Variants in DNAH3 observed in about 807,000 individuals in gnomAD.
The protein encoded by DNAH3 is axonemal beta dynein heavy chain 3.
DNAH3 carries 332 observed loss-of-function variants against 432.5 expected under a neutral mutation model. That is an observed-to-expected ratio of 0.77 (90% CI 0.70 to 0.84). The LOEUF (loss-of-function observed/expected upper bound fraction) is 0.84. DNAH3 is among the 40% of genes least tolerant of loss of function. The pLI is 0.00. For synonymous variants in DNAH3, 1,956 were observed against 1,900.2 expected (o/e 1.03, Z -0.76); for missense variants, 4,861 against 5,114.0 (o/e 0.95, Z 1.51).
intron 48 of DNAH3, among the ~76,000 whole-genome samples, chr16:20,984,598 G>A (rs879305554): frequency 1.8e-4 from 27 of 152,262 alleles, no homozygotes; most frequent in Non-Finnish European, 3.5e-4. Flanking sequence ...GGTCCGGCAC[G>A]GTGGCTTATG....
chr16:21,140,711 C>T lies in DNAH3; in HGVS notation c.522-1G>A. 2 of 1,613,824 alleles carry T rather than the reference C, an allele frequency of 1.2e-6. No homozygotes were observed. The highest frequency in any genetic ancestry group is 1.3e-5 in the African/African-American group (1 of 75,016). On this transcript the variant is annotated splice_acceptor_variant, in intron 4 of 61. Transcript: ENST00000261383. LOFTEE classifies it high-confidence loss of function. ...TGACGTCTTGAAGGCCAACTTGATC[C>T]TGAAAAGTAGACACAGCTCAGCCCT...
Position 20,944,487 on chromosome 16 carries a change from C to A in DNAH3, c.11511+9G>T, listed in dbSNP as rs373148600. 1.9e-6 allele frequency: 3 copies of A among 1,613,860 alleles called. No homozygotes were observed. Among genetic ancestry groups the A allele is most frequent in the Non-Finnish European group, 1.7e-6 (2 of 1,179,852 alleles). ...ATAGGATTAAGCCCCCTTTCCCGAG[C>A]CCAGTTACCTGAGGGGACTTGCCAC... On this transcript the variant is annotated intron_variant, in intron 58 of 61. Transcript: ENST00000261383.
chr16:21,106,626 A>G (rs748701764), exon 15 of DNAH3: 5 of 1,608,450 alleles, frequency 3.1e-6, no homozygotes, highest in South Asian at 1.1e-5. Flanking sequence ...TAGTGTTGGC[A>G]GGAACCTCAC....
At position 21,036,697 on chromosome 16, in the gene DNAH3, T is replaced by C. The variant is rs775988254; in HGVS notation, c.5085+17A>G. 6.8e-5 allele frequency: 109 copies of C among 1,610,154 alleles called. No individual in the cohort carries two copies. Among genetic ancestry groups the C allele is most frequent in the Non-Finnish European group, 8.3e-5 (98 of 1,178,816 alleles). Reference sequence around the variant, plus strand: ...AAACAGTAAAACAGGCACATTTATATGGGCTAAGGAACCAACCTGGATAAT... The same window carrying C: ...AAACAGTAAAACAGGCACATTTATACGGGCTAAGGAACCAACCTGGATAAT... On this transcript the variant is annotated intron_variant, in intron 35 of 61. Coordinates refer to ENST00000261383, the Ensembl canonical transcript of DNAH3.
chr16:21,115,524 T>C (rs887780965), intron 12 of DNAH3, among the ~76,000 whole-genome samples: 6 of 151,542 alleles, frequency 4.0e-5, no homozygotes, highest in African/African-American at 9.7e-5. Context: ...CTGGCCAACA[T>C]GGTGAAACCT....
chr16:21,067,772 G>GGGGGGAGGGAGGGA (rs1555545837), intron 23 of DNAH3, among the ~76,000 whole-genome samples: 1 of 23,716 alleles, frequency 4.2e-5, no homozygotes, highest in Non-Finnish European at 7.1e-5. Flanking sequence ...GGGGGGGTGG[G>GGGGGGAGGGAGGGA]GAGGGAGAGA....
chr16:21,057,892 G>A (rs750185108), intron 27 of DNAH3, among the ~76,000 whole-genome samples, 194 bp downstream of exon 27: 1 of 152,172 alleles, frequency 6.6e-6, no homozygotes, highest in African/African-American at 2.4e-5. Flanking sequence ...GAGAGGTCTC[G>A]TACCATAGAA....
At chr16:21,053,603 T>A (rs532347205) in intron 28 of DNAH3, among the ~76,000 whole-genome samples, 29 of 152,226 alleles carry the variant, frequency 1.9e-4, no homozygotes, top group African/African-American at 6.5e-4. Context: ...GAAGAGCACA[T>A]TTTCCCTTCT....
chr16:21,131,880 G>A (rs569512199), intron 7 of DNAH3, among the ~76,000 whole-genome samples: 2 of 148,264 alleles, frequency 1.3e-5, no homozygotes, highest in South Asian at 2.1e-4. Flanking sequence ...AAAAGGGGGA[G>A]AGAAAGAAAG....
At position 20,979,536 on chromosome 16, in the gene DNAH3, T is replaced by C. The variant is rs545343827; in HGVS notation, c.7870A>G (p.Met2624Val). The change falls in exon 50 of 62, where the codon ATG (methionine) becomes GTG (valine). Residue 2624 changes from methionine (M) to valine (V), a missense_variant. Coordinates refer to ENST00000261383, the Ensembl canonical transcript of DNAH3. ...ACGCTCTCTTGGAAATATTTGCACA[T>C]GGACACGACCCTGCCGAGGACACCA... The C allele has an allele frequency of 1.5e-4, 242 of 1,614,078 alleles. 3 individuals carry two copies. The South Asian group carries it at 2.5e-3, about 17-fold the overall frequency.
chr16:20,985,767 C>A, intron 47 of DNAH3, 52 bp from the exon 48 acceptor site: 1 of 1,568,594 alleles, frequency 6.4e-7, no homozygotes, highest in East Asian at 2.2e-5. Flanking sequence ...CCCAGCCAGG[C>A]TGGTAGGGAC....
At chr16:21,089,789 G>A (rs1311863299) in intron 18 of DNAH3, among the ~76,000 whole-genome samples, 8 of 151,774 alleles carry the variant, frequency 5.3e-5, no homozygotes, top group Admixed American at 1.3e-4. Flanking sequence ...ATAAATCAAA[G>A]CTAGCAGAAG....
chr16:20,981,707 A>G (rs747741692), intron 49 of DNAH3, among the ~76,000 whole-genome samples: 8 of 152,266 alleles, frequency 5.3e-5, no homozygotes, highest in Non-Finnish European at 1.2e-4. Context: ...CCTGGGCGAC[A>G]GAGTGAGACT....
intron 6 of DNAH3, among the ~76,000 whole-genome samples, chr16:21,134,894 G>T (rs192513509): frequency 2.0e-5 from 3 of 152,152 alleles, no homozygotes; most frequent in Non-Finnish European, 4.4e-5. Context: ...TGCCATGTTG[G>T]CCAGGTTGGT....
chr16:21,141,225 G>A (rs548327470), intron 4 of DNAH3, 75 bp downstream of exon 5: 2 of 965,256 alleles, frequency 2.1e-6, no homozygotes, highest in African/African-American at 3.3e-5. Flanking sequence ...GAAGCAGAGT[G>A]TGGCTTTAGT....
rs537826845 is a variant in DNAH3, at chr16:21,064,791, A to C, written c.3519-2108T>G. Among the ~76,000 whole-genome samples the C allele has an allele frequency of 2.0e-5, 3 of 152,252 alleles. No homozygotes were observed. The South Asian group carries it at 6.2e-4, about 32-fold the overall frequency. The stretch of plus-strand genomic sequence containing the variant: ...ATTAACTTAAATTATGTGACTATCA[A>C]CAACATTCTCAAAGTGTTTGCTGAG... On this transcript the variant is annotated intron_variant, in intron 24 of 61. Transcript: ENST00000261383.
intron 24 of DNAH3, among the ~76,000 whole-genome samples, chr16:21,064,860 GGTGTGTGTGTGTGTGTGT>G (rs369066790): frequency 4.2e-4 from 56 of 131,780 alleles, no homozygotes; most frequent in African/African-American, 1.4e-3. Flanking sequence ...TATTGAGGTA[GGTGTGTGTGTGTGTGTGT>G]GTGTGTGTGT....
At chr16:21,125,922 A>T (rs998206233) in intron 8 of DNAH3, among the ~76,000 whole-genome samples, 1 of 152,176 alleles carries the variant, frequency 6.6e-6, no homozygotes, top group Non-Finnish European at 1.5e-5. Flanking sequence ...CGAAGCGGGC[A>T]GATCACTTGA....
chr16:20,980,507 A>AAG (rs1053417122), intron 49 of DNAH3, among the ~76,000 whole-genome samples: 48 of 151,200 alleles, frequency 3.2e-4, no homozygotes, highest in African/African-American at 1.1e-3. Flanking sequence ...TGAGTAGCTG[A>AAG]AGTCTCAGGC....
Sources: allele counts gnomAD v4.1 joint callset (sites outside exome capture counted in the v4.1 genomes callset), GRCh38; gene constraint gnomAD v4.1.1; transcripts MANE v1.5; gene names NCBI Gene and HGNC (gene_info 2026-07-23, HGNC 2026-07-21).